Variants in C9orf153 observed in about 807,000 individuals in gnomAD.
The protein encoded by C9orf153 is chromosome 9 open reading frame 153.
A neutral mutation model predicts 9.0 loss-of-function variants in C9orf153; 10 were observed. That is an observed-to-expected ratio of 1.11 (90% confidence interval 0.69 to 1.89). The LOEUF (loss-of-function observed/expected upper bound fraction) is 1.89. C9orf153 is among the 40% of genes most tolerant of loss of function. The pLI, the probability that C9orf153 is intolerant of heterozygous loss-of-function variation, is 0.00. For synonymous variants in C9orf153, 35 were observed against 37.3 expected (o/e 0.94, Z 0.23); for missense variants, 108 against 111.0 (o/e 0.97, Z 0.12).
chr9:86,228,527 T>C (rs1048880740), intron 2 of C9orf153, among the ~76,000 whole-genome samples: 2 of 152,318 alleles, frequency 1.3e-5, no homozygotes, highest in South Asian at 2.1e-4. Flanking sequence ...ACAATAGTCA[T>C]TGCTCACTGG....
chr9:86,237,927 A>G (rs1824636503), intron 1 of C9orf153, among the ~76,000 whole-genome samples: 1 of 152,024 alleles, frequency 6.6e-6, no homozygotes, highest in South Asian at 2.1e-4. Context: ...AAAAACGTAA[A>G]AAAATTAGCC....
chr9:86,228,653 C>G (rs995773157), intron 2 of C9orf153, among the ~76,000 whole-genome samples: 5 of 152,186 alleles, frequency 3.3e-5, no homozygotes, highest in Non-Finnish European at 5.9e-5. Context: ...TCCTATACTT[C>G]CTACAAATCC....
At chr9:86,242,980 C>A (rs551427330) in intron 1 of C9orf153, among the ~76,000 whole-genome samples, 1 of 152,162 alleles carries the variant, frequency 6.6e-6, no homozygotes, top group Admixed American at 6.5e-5. Context: ...CGCCCAGCCC[C>A]GCAGGCCACT....
At chr9:86,246,594 A>G (rs1824869057) in intron 1 of C9orf153, among the ~76,000 whole-genome samples, 2 of 152,222 alleles carry the variant, frequency 1.3e-5, no homozygotes, top group Admixed American at 1.3e-4. Context: ...TTGCATTTCA[A>G]AAACCTTAAC....
intron 1 of C9orf153, among the ~76,000 whole-genome samples, chr9:86,250,130 G>A (rs138983464): frequency 2.1e-3 from 316 of 152,332 alleles, no homozygotes; most frequent in African/African-American, 7.1e-3. Flanking sequence ...TGGACACACA[G>A]AGCAGACAAT....
chr9:86,227,257 C>T, intron 3 of C9orf153: 1 of 1,339,224 alleles, frequency 7.5e-7, no homozygotes, highest in Non-Finnish European at 9.5e-7. Context: ...AGTGATCCTC[C>T]CACCTAAACC....
intron 1 of C9orf153, among the ~76,000 whole-genome samples, chr9:86,250,741 C>G (rs1407976376): frequency 6.6e-6 from 1 of 151,940 alleles, no homozygotes. Flanking sequence ...AGAAACTCTA[C>G]TGGTTTATTA....
chr9:86,240,161 G>T (rs1824698891), intron 1 of C9orf153, among the ~76,000 whole-genome samples: 1 of 152,006 alleles, frequency 6.6e-6, no homozygotes, highest in African/African-American at 2.4e-5. Context: ...TCTGACACAT[G>T]TACAATTATA....
chr9:86,229,001 G>A (rs573318372), intron 2 of C9orf153: 114 of 263,428 alleles, frequency 4.3e-4, no homozygotes, highest in African/African-American at 5.2e-4. Context: ...ACAAGGGCCC[G>A]TGGACCAGGA....
Position 86,227,944 on chromosome 9 carries a change from G to T in C9orf153, c.153C>A (p.Asn51Lys). 1 of 1,613,620 alleles carries T rather than the reference G, an allele frequency of 6.2e-7. No homozygotes were observed. Among genetic ancestry groups the T allele is most frequent in the Non-Finnish European group, 8.5e-7 (1 of 1,179,772 alleles). ...TTCTAGCAAGTACTTCCTGTGCTTCGTTAAGTGAAATACCATGCATTTTTA... is the reference window on the plus strand; with the variant it reads ...TTCTAGCAAGTACTTCCTGTGCTTCTTTAAGTGAAATACCATGCATTTTTA... ...NLLKMHGISL[N>K]EAQEVLARNL... Residue 51 changes from asparagine (N) to lysine (K), a missense_variant, in exon 3 of 4, where the codon AAC becomes AAA. Physicochemically the swap from Asn to Lys is moderately conservative, Grantham distance 94. Coordinates refer to ENST00000339137, the MANE Select transcript of C9orf153 (RefSeq NM_001276366.4).
Position 86,227,367 on chromosome 9 carries a change from T to C in C9orf153, c.242+488A>G, listed in dbSNP as rs201744679. The stretch of plus-strand genomic sequence containing the variant: ...TATTTTTGGAGATGGGGTCTTTCTA[T>C]GTTTTCCAGGCTTGTTCATTTTATT... On this transcript the variant is annotated intron_variant, in intron 3 of 3. Transcript: ENST00000339137. 233 of 1,536,668 alleles carry C rather than the reference T, an allele frequency of 1.5e-4. No individual in the cohort carries two copies. The Middle Eastern group carries it at 2.3e-3, about 15-fold the overall frequency.
At chr9:86,240,707 CTTTTT>C (rs367674249) in intron 1 of C9orf153, among the ~76,000 whole-genome samples, 30,288 of 117,172 alleles carry the variant, frequency 0.26, 4,051 homozygotes, top group East Asian at 0.48. Flanking sequence ...TTTTCTTTTT[CTTTTT>C]TTTTTTTTTT....
chr9:86,241,485 C>T (rs1457399265), intron 1 of C9orf153, among the ~76,000 whole-genome samples: 1 of 152,194 alleles, frequency 6.6e-6, no homozygotes, highest in Non-Finnish European at 1.5e-5. Context: ...AAGCCAAACA[C>T]TGACATCATG....
chr9:86,237,122 G>A (rs575576946), intron 1 of C9orf153, among the ~76,000 whole-genome samples: 1 of 152,032 alleles, frequency 6.6e-6, no homozygotes, highest in African/African-American at 2.4e-5. Context: ...GTGGTCTTGG[G>A]TTAGTTGTAA....
chr9:86,246,130 G>A (rs1256344408), intron 1 of C9orf153, among the ~76,000 whole-genome samples: 1 of 152,176 alleles, frequency 6.6e-6, no homozygotes, highest in Non-Finnish European at 1.5e-5. Context: ...AAACATGATG[G>A]GGTGATTTCC....
intron 1 of C9orf153, among the ~76,000 whole-genome samples, chr9:86,251,370 T>C (rs1437193405): frequency 1.3e-5 from 2 of 152,180 alleles, no homozygotes; most frequent in Admixed American, 1.3e-4. Context: ...AAAATGTGTA[T>C]CATAAATTGT....
chr9:86,225,537 C>G (rs1299561610), intron 3 of C9orf153, among the ~76,000 whole-genome samples: 2 of 152,072 alleles, frequency 1.3e-5, no homozygotes, highest in Non-Finnish European at 2.9e-5. Flanking sequence ...TGGCTCACCA[C>G]AACCTCTGCC....
chr9:86,229,260 G>A (rs201479475), intron 2 of C9orf153, among the ~76,000 whole-genome samples: 698 of 139,144 alleles, frequency 5.0e-3, no homozygotes, highest in Middle Eastern at 0.011. Flanking sequence ...TTTTCCTAAA[G>A]AAAAAAAAAA....
intron 3 of C9orf153, among the ~76,000 whole-genome samples, chr9:86,225,317 TTTTC>T (rs770074407): frequency 3.9e-5 from 6 of 151,966 alleles, no homozygotes; most frequent in South Asian, 2.1e-4. Flanking sequence ...TGCACTTTCT[TTTTC>T]TTTCTTTCTT....
Sources: allele counts gnomAD v4.1 joint callset (sites outside exome capture counted in the v4.1 genomes callset), GRCh38; gene constraint gnomAD v4.1.1; transcripts MANE v1.5; gene names NCBI Gene and HGNC (gene_info 2026-07-23, HGNC 2026-07-21).